The following RBL1 variants were observed in gnomAD, a reference collection of about 807,000 sequenced individuals.
RBL1 encodes the protein retinoblastoma-like protein 1.
Under a neutral mutation model 123.0 loss-of-function variants are expected in RBL1, and 82 were observed. The observed-to-expected ratio is 0.67, with a 90% CI of 0.56 to 0.80. The LOEUF (loss-of-function observed/expected upper bound fraction) is 0.80, where lower values mean the gene tolerates loss of function less well. Among genes scored for constraint, RBL1 ranks in the 30% least tolerant of loss-of-function variants. The pLI is 0.00. For missense variants in RBL1, 1,171 were observed against 1,299.6 expected (o/e 0.90, Z 1.52); for synonymous variants, 405 against 441.3 (o/e 0.92, Z 1.03).
chr20:37,085,348 C>G (rs564312786), intron 2 of RBL1, among the ~76,000 whole-genome samples: 1 of 151,994 alleles, frequency 6.6e-6, no homozygotes, highest in South Asian at 2.1e-4. Flanking sequence ...GTTGGCCAGG[C>G]TGGTCTTGAA....
chr20:37,007,502 C>T lies in RBL1; in HGVS notation c.2780G>A (p.Arg927Lys). Residue 927 changes from arginine to lysine, a missense_variant, in exon 20 of 22, where the codon AGA becomes AAA. Arg to Lys is a conservative substitution (Grantham distance 26, BLOSUM62 2). Coordinates refer to ENST00000373664, the MANE Select transcript of RBL1 (RefSeq NM_002895.5). ...DCSSGPVKEERGDLIKFYNTI... is the reference protein window; with the variant it reads ...DCSSGPVKEEKGDLIKFYNTI... ...ATTGTAAAATTTTATAAGATCACCT[C>T]TTTCCTCTTTCACTGGTCCACTGGA... The T allele has an allele frequency of 6.2e-7, 1 of 1,613,882 alleles. No homozygotes were observed. Among genetic ancestry groups the T allele is most frequent in the Non-Finnish European group, 8.5e-7 (1 of 1,179,834 alleles).
intron 7 of RBL1, among the ~76,000 whole-genome samples, chr20:37,063,427 T>C (rs758623999): frequency 1.3e-5 from 2 of 152,030 alleles, no homozygotes; most frequent in African/African-American, 4.8e-5. Context: ...GGTGAGAGGA[T>C]TGCTTGAGGC....
At chr20:37,087,604 A>G (rs535568556) in intron 2 of RBL1, among the ~76,000 whole-genome samples, 62 of 152,182 alleles carry the variant, frequency 4.1e-4, no homozygotes, top group Non-Finnish European at 7.5e-4. Context: ...AATTTTTTTT[A>G]ATTAAAGAAA....
At chr20:37,084,348 T>C (rs1437935465) in intron 2 of RBL1, among the ~76,000 whole-genome samples, 3 of 152,112 alleles carry the variant, frequency 2.0e-5, no homozygotes, top group East Asian at 3.9e-4. Flanking sequence ...GCTAAATAGA[T>C]GAAAGATCCT....
Position 37,036,247 on chromosome 20 carries a change from C to T in RBL1, c.1904-739G>A, listed in dbSNP as rs138294570. Among the ~76,000 whole-genome samples, 76 of 152,268 alleles carry T rather than the reference C, an allele frequency of 5.0e-4. No individual in the cohort carries two copies. In the East Asian group the frequency reaches 0.013, roughly 25 times the overall value. The stretch of plus-strand genomic sequence containing the variant: ...TCTTCCCTCAACCAATTATTCCTTA[C>T]AGGTAGGTCAATAATATGCTTTTAA... On this transcript the variant is annotated intron_variant, in intron 14 of 21. Coordinates refer to ENST00000373664, the MANE Select transcript of RBL1 (RefSeq NM_002895.5).
At chr20:37,036,672 C>A (rs1286543190) in intron 14 of RBL1, among the ~76,000 whole-genome samples, 2 of 139,824 alleles carry the variant, frequency 1.4e-5, no homozygotes, top group Non-Finnish European at 3.0e-5. Context: ...GTTGCCCAGG[C>A]TGGAGTGCAG....
intron 12 of RBL1, among the ~76,000 whole-genome samples, chr20:37,045,478 C>T (rs900237999): frequency 1.3e-5 from 2 of 151,830 alleles, no homozygotes; most frequent in African/African-American, 4.8e-5. Flanking sequence ...AGGAGGCCGA[C>T]ACAGTGGCTC....
At chr20:37,068,507 C>T (rs1030090632) in intron 2 of RBL1, among the ~76,000 whole-genome samples, 3 of 150,848 alleles carry the variant, frequency 2.0e-5, no homozygotes, top group Non-Finnish European at 3.0e-5. Flanking sequence ...GAACAAACAC[C>T]ATCCCTCAAG....
rs2065310584 is a variant in RBL1, at chr20:37,073,343, A to T, written c.291-5157T>A. ...ACTTAAATCATAATTACAGTTTTTA[A>T]AACTAAAATAAGAAGCAAAGTAAAC... On this transcript the variant is annotated intron_variant, in intron 2 of 21. Transcript: ENST00000373664. 2.6e-5 allele frequency among the ~76,000 whole-genome samples: 4 copies of T among 152,174 alleles called. No homozygotes were observed. In the South Asian group the frequency reaches 8.3e-4, roughly 31 times the overall value.
intron 9 of RBL1, among the ~76,000 whole-genome samples, chr20:37,056,595 C>T (rs926711623): frequency 1.3e-5 from 2 of 152,018 alleles, no homozygotes; most frequent in Non-Finnish European, 2.9e-5. Context: ...CCTTGTGATC[C>T]ACCCACCTCA....
intron 13 of RBL1, 152 bp from the exon 14 acceptor site, chr20:37,040,437 C>A: frequency 8.1e-7 from 1 of 1,227,868 alleles, no homozygotes; most frequent in Non-Finnish European, 1.1e-6. Context: ...CAGCAACCTC[C>A]AACGCCCGGG....
chr20:37,006,972 C>T (rs1342723778), intron 20 of RBL1, among the ~76,000 whole-genome samples: 2 of 151,834 alleles, frequency 1.3e-5, no homozygotes, highest in African/African-American at 2.4e-5. Flanking sequence ...TCATGCCAGG[C>T]GTGGTGGTTC....
intron 11 of RBL1, chr20:37,049,704 C>T: frequency 4.1e-6 from 3 of 722,952 alleles, no homozygotes; most frequent in African/African-American, 1.7e-5. Context: ...CAGAAGATAA[C>T]TAACTGTGTA....
chr20:37,010,758 C>CTATG (rs1555848002), intron 19 of RBL1, among the ~76,000 whole-genome samples: 4 of 143,452 alleles, frequency 2.8e-5, no homozygotes, highest in Non-Finnish European at 6.0e-5. Flanking sequence ...TGGCACATGA[C>CTATG]TATGTGTGTG....
At chr20:37,065,311 A>T (rs2065160658) in intron 7 of RBL1, 113 bp downstream of exon 7, 1 of 690,008 alleles carries the variant, frequency 1.4e-6, no homozygotes, top group Non-Finnish European at 2.4e-6. Flanking sequence ...AAGCAGAGAG[A>T]ACTTGAATTT....
chr20:37,054,505 A>T (rs956201294), intron 11 of RBL1, among the ~76,000 whole-genome samples: 17 of 151,412 alleles, frequency 1.1e-4, no homozygotes, highest in East Asian at 5.9e-4. Context: ...AAATAAAATT[A>T]AAAAAATTAA....
rs1344119913 is a variant in RBL1, at chr20:37,073,837, A to G, written c.291-5651T>C. On this transcript the variant is annotated intron_variant, in intron 2 of 21. Coordinates refer to ENST00000373664, the MANE Select transcript of RBL1 (RefSeq NM_002895.5). ...AATTCGAGATGAGTCTGGGCAACAT[A>G]GTGTGATCTCATCTTATAAAAAAAA... 3.3e-5 allele frequency among the ~76,000 whole-genome samples: 5 copies of G among 151,756 alleles called. No individual in the cohort carries two copies. The East Asian group carries it at 9.6e-4, about 29-fold the overall frequency.
At position 37,055,609 on chromosome 20, in the gene RBL1, T is replaced by A. The variant is rs201131144; in HGVS notation, c.1411A>T (p.Ile471Leu). 1 of 1,613,930 alleles carries A rather than the reference T, an allele frequency of 6.2e-7. No homozygotes were observed. Among genetic ancestry groups the A allele is most frequent in the East Asian group, 2.2e-5 (1 of 44,882 alleles). The change falls in exon 11 of 22, where the codon ATA (isoleucine) becomes TTA (leucine). Residue 471 changes from isoleucine (I) to leucine (L), a missense_variant. Ile to Leu is a conservative substitution (Grantham distance 5, BLOSUM62 2). Transcript: ENST00000373664. Reference sequence around the variant, plus strand: ...TCCTGAACCATTACAGTCTCTAGTATTTTATAATACAAAATTTCTGCCAGC... The same window carrying A: ...TCCTGAACCATTACAGTCTCTAGTAATTTATAATACAAAATTTCTGCCAGC... ...LKLAEILYYK[I>L]LETVMVQETR...
intron 9 of RBL1, among the ~76,000 whole-genome samples, chr20:37,060,047 C>T (rs2065068648): frequency 6.6e-6 from 1 of 152,174 alleles, no homozygotes; most frequent in South Asian, 2.1e-4. Flanking sequence ...TGGCGCACGC[C>T]TGTAATCCCA....
Sources: gnomAD v4.1 joint callset for allele counts (sites outside exome capture counted in the v4.1 genomes callset) on GRCh38, gnomAD v4.1.1 for gene constraint, MANE v1.5 for transcripts, NCBI Gene and HGNC (gene_info 2026-07-23, HGNC 2026-07-21) for gene names.